Variants in IST1 observed in about 807,000 individuals in gnomAD.
IST1 encodes the protein IST1 homolog.
Under a neutral mutation model 37.0 loss-of-function variants are expected in IST1, and 23 were observed. That is an observed-to-expected ratio of 0.62 (90% confidence interval 0.45 to 0.88). The LOEUF is 0.88. Ranked by LOEUF, IST1 falls within the 40% of genes least tolerant of loss-of-function variation. IST1 has a pLI of 0.00. For missense variants in IST1, 488 were observed against 445.4 expected (o/e 1.10, Z -0.86); for synonymous variants, 180 against 161.7 (o/e 1.11, Z -0.86).
intron 1 of IST1, among the ~76,000 whole-genome samples, chr16:71,902,459 G>C (rs775940414): frequency 6.6e-6 from 1 of 152,010 alleles, no homozygotes; most frequent in African/African-American, 2.4e-5. Context: ...TAGTAGAGAT[G>C]GGGTTTCACC....
intron 1 of IST1, among the ~76,000 whole-genome samples, chr16:71,902,135 T>C (rs560619462): frequency 1.3e-5 from 2 of 152,348 alleles, no homozygotes; most frequent in Admixed American, 1.3e-4. Context: ...AAATTTTCAC[T>C]TAATTCTCAT....
Position 71,921,445 on chromosome 16 carries a change from G to A in IST1, c.544G>A (p.Val182Met). The A allele has an allele frequency of 1.3e-6, 2 of 1,593,670 alleles. No individual in the cohort carries two copies. Among genetic ancestry groups the A allele is most frequent in the Non-Finnish European group, 1.7e-6 (2 of 1,161,406 alleles). The change falls in exon 6 of 10, where the codon GTG becomes ATG. Residue 182 changes from valine (V) to methionine (M), a missense_variant. Around this residue, in one of 2 missense-constraint regions of IST1, gnomAD observed 455 missense variants for 386.2 expected, o/e 1.18. Coordinates refer to ENST00000378799, the MANE Select transcript of IST1 (RefSeq NM_001270975.2). Reference sequence around the variant, plus strand: ...CAACGTACCCTATGAACCTGACTCTGTGGTCATGGTAAGTTTATCCCAGAA... The same window carrying A: ...CAACGTACCCTATGAACCTGACTCTATGGTCATGGTAAGTTTATCCCAGAA... ...NYNVPYEPDS[V>M]VMAEAPPGVE...
chr16:71,930,146 A>T lies in IST1; in HGVS notation c.*2333A>T. ...TACCATCAAGATGACACTGGTGAGG[A>T]TCAGAAAGGTGCCCAGGACTGGGTC... is the stretch of plus-strand genomic sequence containing the variant. On this transcript the variant is annotated 3_prime_UTR_variant, in exon 10 of 10. Coordinates refer to ENST00000378799, the MANE Select transcript of IST1 (RefSeq NM_001270975.2). The T allele has an allele frequency of 1.9e-6, 3 of 1,551,564 alleles. No individual in the cohort carries two copies.
intron 1 of IST1, among the ~76,000 whole-genome samples, chr16:71,896,202 C>T (rs12927044): frequency 9.9e-5 from 15 of 152,120 alleles, no homozygotes; most frequent in Non-Finnish European, 1.6e-4. Context: ...TTGGAAGGAT[C>T]CTTGCGCCTC....
Position 71,920,760 on chromosome 16 carries a change from A to C in IST1, c.379A>C (p.Lys127Gln). 2 of 1,613,966 alleles carry C rather than the reference A, an allele frequency of 1.2e-6. No individual in the cohort carries two copies. Among genetic ancestry groups the C allele is most frequent in the Non-Finnish European group, 1.7e-6 (2 of 1,179,826 alleles). ...TTAGGTTGCTGATCAGCTCTGTGCC[A>C]AGTATAGCAAGGAATATGGCAAGCT... ...LKIVADQLCAKYSKEYGKLCR... is the reference protein window; with the variant it reads ...LKIVADQLCAQYSKEYGKLCR... Residue 127 changes from lysine to glutamine, a missense_variant, in exon 5 of 10, where the codon AAG becomes CAG. Physicochemically the swap from Lys to Gln is moderately conservative, Grantham distance 53 (BLOSUM62 1). Coordinates refer to ENST00000378799, the MANE Select transcript of IST1 (RefSeq NM_001270975.2).
intron 1 of IST1, among the ~76,000 whole-genome samples, chr16:71,897,821 T>C (rs2037009616): frequency 6.6e-6 from 1 of 151,898 alleles, no homozygotes; most frequent in African/African-American, 2.4e-5. Context: ...TGGTGTGGCC[T>C]GTAGTCCCAG....
chr16:71,927,748 G>A lies in IST1; in HGVS notation c.1036G>A (p.Ala346Thr). The change falls in exon 10 of 10, where the codon GCA becomes ACA. Residue 346 changes from alanine (A) to threonine (T), a missense_variant. Coordinates refer to ENST00000378799, the MANE Select transcript of IST1 (RefSeq NM_001270975.2). ...PTASAGASTSASEDIDFDDLS... is the reference protein window; with the variant it reads ...PTASAGASTSTSEDIDFDDLS... The stretch of plus-strand genomic sequence containing the variant: ...TGCATCTGCTGGTGCCAGCACCTCA[G>A]CATCTGAAGACATTGACTTTGATGA... 1 of 1,614,110 alleles carries A rather than the reference G, an allele frequency of 6.2e-7. No homozygotes were observed. The highest frequency in any genetic ancestry group is 1.7e-4 in the Middle Eastern group (1 of 6,060).
chr16:71,927,486 CAAA>C (rs34382355), intron 9 of IST1, 125 bp from the exon 10 acceptor site: 1,450 of 596,904 alleles, frequency 2.4e-3, no homozygotes, highest in East Asian at 4.7e-3. Flanking sequence ...GAGACTGTCT[CAAA>C]AAAAAAAAAA....
At position 71,897,917 on chromosome 16, in the gene IST1, C is replaced by T. The variant is rs537472298; in HGVS notation, c.-16+2328C>T. Among the ~76,000 whole-genome samples, 21 of 152,200 alleles carry T rather than the reference C, an allele frequency of 1.4e-4. 1 individual carries two copies. Among genetic ancestry groups the T allele is most frequent in the African/African-American group, 4.8e-4 (20 of 41,534 alleles). On this transcript the variant is annotated intron_variant, in intron 1 of 9. Transcript: ENST00000378799. ...TGAGCTGAGATCGTGCCACTGCACT[C>T]CAGCCTGGGCGACAGAGTGAGAATC...
intron 1 of IST1, among the ~76,000 whole-genome samples, chr16:71,914,389 T>A (rs2037425221): frequency 6.6e-6 from 1 of 150,834 alleles, no homozygotes; most frequent in Non-Finnish European, 1.5e-5. Context: ...CTCCATCTCC[T>A]GACCTCATGA....
intron 1 of IST1, among the ~76,000 whole-genome samples, chr16:71,903,886 G>A (rs753616779): frequency 3.9e-5 from 6 of 152,076 alleles, no homozygotes; most frequent in Non-Finnish European, 8.8e-5. Flanking sequence ...ATGGTGGGAG[G>A]TATGTTGAAG....
intron 8 of IST1, chr16:71,924,218 A>G: frequency 2.2e-6 from 1 of 454,898 alleles, no homozygotes; most frequent in Non-Finnish European, 4.4e-6. Context: ...GGTTCTTAAG[A>G]TATATTCAAG....
At chr16:71,916,957 G>A (rs914855608) in intron 3 of IST1, 90 bp from the exon 4 acceptor site, 7 of 761,340 alleles carry the variant, frequency 9.2e-6, no homozygotes, top group African/African-American at 1.8e-5. Flanking sequence ...TCACAGAATG[G>A]CTTTGGAGGC....
chr16:71,921,100 G>C (rs2037569778), intron 5 of IST1: 1 of 598,766 alleles, frequency 1.7e-6, no homozygotes, highest in African/African-American at 1.9e-5. Context: ...TGGATGAATT[G>C]AACTGTGGAA....
chr16:71,905,566 G>A (rs1259047002), intron 1 of IST1, among the ~76,000 whole-genome samples: 1 of 151,758 alleles, frequency 6.6e-6, no homozygotes, highest in African/African-American at 2.4e-5. Context: ...TTTTAGTAGA[G>A]ACGGGGTTTC....
At chr16:71,917,650 A>C (rs2037493512) in intron 4 of IST1, among the ~76,000 whole-genome samples, 1 of 152,226 alleles carries the variant, frequency 6.6e-6, no homozygotes, top group Admixed American at 6.5e-5. Context: ...CTCCTAGGAT[A>C]CAAATTCAGT....
chr16:71,899,276 A>G (rs2142521081), intron 1 of IST1, among the ~76,000 whole-genome samples: 1 of 152,180 alleles, frequency 6.6e-6, no homozygotes, highest in Admixed American at 6.5e-5. Context: ...TGTACATGTA[A>G]TGCTTCTAAA....
intron 1 of IST1, among the ~76,000 whole-genome samples, chr16:71,908,174 C>A (rs1163828101): frequency 6.6e-6 from 1 of 152,010 alleles, no homozygotes; most frequent in Non-Finnish European, 1.5e-5. Context: ...GAACTCCTGA[C>A]CTCACGATCC....
intron 1 of IST1, among the ~76,000 whole-genome samples, chr16:71,900,058 T>A (rs2037069023): frequency 6.7e-6 from 1 of 149,222 alleles, no homozygotes; most frequent in Admixed American, 6.7e-5. Context: ...CCTAGCTACC[T>A]GGGAGGTTGA....
Sources: allele counts gnomAD v4.1 joint callset (sites outside exome capture counted in the v4.1 genomes callset), GRCh38; gene constraint gnomAD v4.1.1; regional missense constraint gnomAD v4.1.1; transcripts MANE v1.5; gene names NCBI Gene and HGNC (gene_info 2026-07-23, HGNC 2026-07-21).